The following RBMS1 variants were observed in gnomAD, a reference collection of about 807,000 sequenced individuals.
RBMS1 encodes RNA-binding motif, single-stranded-interacting protein 1.
RBMS1 carries 17 observed loss-of-function variants against 62.3 expected under a neutral mutation model. The ratio of observed to expected loss-of-function variants is 0.27; its 90% CI spans 0.19 to 0.41. RBMS1 has a LOEUF of 0.41. RBMS1 is among the 10% of genes least tolerant of loss of function. The probability of loss-of-function intolerance (pLI) is 1.00; values close to 1 mark genes in which losing one functional copy is unlikely to be tolerated. For missense variants in RBMS1, 334 were observed against 504.5 expected, an observed-to-expected ratio of 0.66 and a Z score of 3.24; for synonymous variants, 172 against 170.0, an observed-to-expected ratio of 1.01 and a Z score of -0.09.
intron 12 of RBMS1, among the ~76,000 whole-genome samples, chr2:160,276,288 C>T (rs981849537): frequency 6.6e-6 from 1 of 152,060 alleles, no homozygotes; most frequent in Non-Finnish European, 1.5e-5. Context: ...GAATTGTAGG[C>T]TCTGGTAACT....
intron 1 of RBMS1, among the ~76,000 whole-genome samples, chr2:160,371,970 G>C (rs1204711717): frequency 6.6e-6 from 1 of 152,062 alleles, no homozygotes; most frequent in African/African-American, 2.4e-5. Flanking sequence ...TCTCCTCTAT[G>C]AATACAAATC....
At position 160,469,474 on chromosome 2, in the gene RBMS1, A is replaced by G. The variant is rs774862136; in HGVS notation, c.75+23815T>C. ...TGCAGGGCCTTGAGAGCTTCCAACC[A>G]TTCTCTAAATGTGTTGTTTCTTTAG... On this transcript the variant is annotated intron_variant, in intron 1 of 13. Coordinates refer to ENST00000348849, the MANE Select transcript of RBMS1 (RefSeq NM_016836.4). Among the ~76,000 whole-genome samples, 4 of 152,242 alleles carry G rather than the reference A, an allele frequency of 2.6e-5. No individual in the cohort carries two copies. In the East Asian group the frequency reaches 7.7e-4, roughly 29 times the overall value.
At chr2:160,310,859 A>G (rs1436565988) in intron 4 of RBMS1, among the ~76,000 whole-genome samples, 1 of 152,184 alleles carries the variant, frequency 6.6e-6, no homozygotes, top group Non-Finnish European at 1.5e-5. Context: ...ATAATGTCAC[A>G]GAGAATCTCT....
chr2:160,356,227 C>A (rs1364632456), intron 2 of RBMS1, among the ~76,000 whole-genome samples: 1 of 152,088 alleles, frequency 6.6e-6, no homozygotes, highest in African/African-American at 2.4e-5. Flanking sequence ...TTCATATGAC[C>A]AGCTATGCTA....
chr2:160,407,246 C>A (rs770167592), intron 1 of RBMS1, among the ~76,000 whole-genome samples: 22 of 152,194 alleles, frequency 1.4e-4, no homozygotes, highest in Non-Finnish European at 2.9e-4. Context: ...CTGCCCCTGC[C>A]CCTTCCTCCA....
chr2:160,281,216 C>T, intron 10 of RBMS1, 98 bp downstream of exon 10: 2 of 906,170 alleles, frequency 2.2e-6, no homozygotes, highest in Non-Finnish European at 3.2e-6. Flanking sequence ...TTAAAATTTC[C>T]CAAATCCTAT....
At chr2:160,444,874 CA>C (rs1161913778) in intron 1 of RBMS1, among the ~76,000 whole-genome samples, 1 of 152,138 alleles carries the variant, frequency 6.6e-6, no homozygotes, top group Non-Finnish European at 1.5e-5. Context: ...CTTGGCAAGC[CA>C]GGAAGAGCCC....
At chr2:160,367,675 T>C in intron 1 of RBMS1, 1 of 328,688 alleles carries the variant, frequency 3.0e-6, no homozygotes, top group Non-Finnish European at 5.3e-6. Flanking sequence ...GGAACACATC[T>C]GAGACTCAAA....
chr2:160,491,910 C>T (rs1451212186), intron 1 of RBMS1, among the ~76,000 whole-genome samples: 1 of 151,994 alleles, frequency 6.6e-6, no homozygotes, highest in Non-Finnish European at 1.5e-5. Flanking sequence ...TTCTGGTGAC[C>T]CAAAGTAAAG....
chr2:160,446,620 C>T (rs1340904921), intron 1 of RBMS1, among the ~76,000 whole-genome samples: 1 of 152,162 alleles, frequency 6.6e-6, no homozygotes, highest in Non-Finnish European at 1.5e-5. Flanking sequence ...CCTTTGGAAA[C>T]CGTGTATGTG....
intron 2 of RBMS1, among the ~76,000 whole-genome samples, chr2:160,339,778 G>A (rs777350160): frequency 1.3e-5 from 2 of 151,946 alleles, no homozygotes; most frequent in East Asian, 1.9e-4. Context: ...AAAGTAAACC[G>A]TTATAAGCTA....
chr2:160,488,859 CA>C (rs1483872523), intron 1 of RBMS1, among the ~76,000 whole-genome samples: 1 of 152,010 alleles, frequency 6.6e-6, no homozygotes, highest in Non-Finnish European at 1.5e-5. Flanking sequence ...TTTACTGTCT[CA>C]ATTTAAAAGC....
intron 1 of RBMS1, among the ~76,000 whole-genome samples, chr2:160,383,459 G>T (rs1199194260): frequency 6.7e-6 from 1 of 149,958 alleles, no homozygotes; most frequent in Non-Finnish European, 1.5e-5. Context: ...GAATTGGGGG[G>T]GGGGGAACTG....
At chr2:160,376,222 T>G (rs1472404389) in intron 1 of RBMS1, among the ~76,000 whole-genome samples, 1 of 152,224 alleles carries the variant, frequency 6.6e-6, no homozygotes, top group Admixed American at 6.5e-5. Flanking sequence ...AAAACTTATA[T>G]GAGTAAGCTT....
At chr2:160,364,951 G>A (rs1310741548) in intron 2 of RBMS1, among the ~76,000 whole-genome samples, 1 of 152,100 alleles carries the variant, frequency 6.6e-6, no homozygotes, top group African/African-American at 2.4e-5. Flanking sequence ...TAGAGGTATG[G>A]ATTTATATCT....
intron 4 of RBMS1, among the ~76,000 whole-genome samples, chr2:160,304,749 T>C (rs1689407805): frequency 6.6e-6 from 1 of 152,236 alleles, no homozygotes; most frequent in Non-Finnish European, 1.5e-5. Context: ...AGCTGCATAA[T>C]GTATGTGTTT....
chr2:160,370,412 A>G (rs1573947364), intron 1 of RBMS1, among the ~76,000 whole-genome samples: 1 of 152,176 alleles, frequency 6.6e-6, no homozygotes, highest in East Asian at 1.9e-4. Context: ...AGGTGGGTGG[A>G]TCACGGAGTC....
At chr2:160,420,434 T>C (rs1339392787) in intron 1 of RBMS1, among the ~76,000 whole-genome samples, 1 of 152,230 alleles carries the variant, frequency 6.6e-6, no homozygotes, top group Admixed American at 6.5e-5. Flanking sequence ...CCAAGACCTC[T>C]TGCTACATTT....
intron 1 of RBMS1, among the ~76,000 whole-genome samples, chr2:160,481,480 AT>A (rs1449647300): frequency 1.3e-5 from 2 of 152,126 alleles, no homozygotes; most frequent in African/African-American, 4.8e-5. Flanking sequence ...ACTTATATTT[AT>A]TAAAACTATC....
Sources: gnomAD v4.1 joint callset for allele counts (sites outside exome capture counted in the v4.1 genomes callset) on GRCh38, gnomAD v4.1.1 for gene constraint, MANE v1.5 for transcripts, NCBI Gene and HGNC (gene_info 2026-07-23, HGNC 2026-07-21) for gene names.